The following FAM228B variants were observed in gnomAD, a reference collection of about 807,000 sequenced individuals.
FAM228B encodes the protein protein FAM228B.
Under a neutral mutation model 42.6 loss-of-function variants are expected in FAM228B, and 38 were observed. The observed-to-expected ratio is 0.89, with a 90% confidence interval of 0.69 to 1.17. The LOEUF (loss-of-function observed/expected upper bound fraction) is 1.17, where lower values mean the gene tolerates loss of function less well. FAM228B is among the 50% of genes most tolerant of loss of function. The pLI, the probability that FAM228B is intolerant of heterozygous loss-of-function variation, is 0.00. For synonymous variants in FAM228B, 109 were observed against 122.3 expected (o/e 0.89, Z 0.72); for missense variants, 344 against 367.3 (o/e 0.94, Z 0.52).
At chr2:24,121,196 GAC>G, upstream of FAM228B, 1 of 1,614,122 alleles carries the variant, frequency 6.2e-7, no homozygotes, top group South Asian at 1.1e-5. Context: ...CATCTGCCCG[GAC>G]ACATCTGTAA....
At chr2:24,091,921 A>G (rs1362856385) in intron 2 of FAM228B, among the ~76,000 whole-genome samples, 1 of 152,076 alleles carries the variant, frequency 6.6e-6, no homozygotes, top group Non-Finnish European at 1.5e-5. Flanking sequence ...CCCCCAAATG[A>G]CCAATAAATA....
intron 2 of FAM228B, among the ~76,000 whole-genome samples, chr2:24,130,507 T>C (rs1451096033): frequency 6.6e-6 from 1 of 152,232 alleles, no homozygotes; most frequent in Non-Finnish European, 1.5e-5. Flanking sequence ...CTATTCTGAC[T>C]GGCATGAGAT....
chr2:24,083,700 A>G (rs1208929727), intron 2 of FAM228B, among the ~76,000 whole-genome samples: 1 of 152,208 alleles, frequency 6.6e-6, no homozygotes, highest in South Asian at 2.1e-4. Context: ...AGCATCAGAC[A>G]GAAGAAAATT....
chr2:24,078,586 G>A (rs2150982382), intron 1 of FAM228B, among the ~76,000 whole-genome samples: 1 of 152,268 alleles, frequency 6.6e-6, no homozygotes, highest in East Asian at 1.9e-4. Context: ...AGCTAAAGGG[G>A]GGTTACAGGT....
intron 7 of FAM228B, among the ~76,000 whole-genome samples, chr2:24,160,268 G>A (rs1055831975): frequency 6.6e-6 from 1 of 152,142 alleles, no homozygotes; most frequent in African/African-American, 2.4e-5. Flanking sequence ...GGGATTACAA[G>A]CGTGAGCCAC....
intron 2 of FAM228B, among the ~76,000 whole-genome samples, chr2:24,131,861 A>G (rs866305478): frequency 1.3e-5 from 2 of 152,202 alleles, no homozygotes; most frequent in Non-Finnish European, 1.5e-5. Flanking sequence ...AACTTCCAGT[A>G]ATATGTTGAA....
intron 7 of FAM228B, among the ~76,000 whole-genome samples, chr2:24,156,771 T>TC (rs759903610): frequency 4.8e-4 from 64 of 132,764 alleles, no homozygotes; most frequent in African/African-American, 1.6e-3. Flanking sequence ...TACATTTCTT[T>TC]CCGCCCCCCC....
chr2:24,164,479 G>T lies in FAM228B; in HGVS notation c.932+144G>T. 7.9e-6 allele frequency: 7 copies of T among 890,508 alleles called. No homozygotes were observed. In the South Asian group the frequency reaches 1.3e-4, roughly 17 times the overall value. 55.2% of individuals were successfully genotyped at this position (890,508 alleles called of 1,614,324 possible). A position where few individuals can be genotyped will look rare whatever the true frequency, so the allele number is the denominator to read the frequency against. On this transcript the variant is annotated intron_variant, in intron 9 of 10. Coordinates refer to ENST00000615575, the MANE Select transcript of FAM228B (RefSeq NM_001145710.2). Reference sequence around the variant, plus strand: ...GGAATAGGTTAGAAGCAGCTGAGGGGCAGGTGCCCTTTATTCAGAGGGAAT... The same window carrying T: ...GGAATAGGTTAGAAGCAGCTGAGGGTCAGGTGCCCTTTATTCAGAGGGAAT...
chr2:24,126,903 C>T (rs1472190187), intron 2 of FAM228B, among the ~76,000 whole-genome samples: 5 of 152,150 alleles, frequency 3.3e-5, no homozygotes, highest in African/African-American at 4.8e-5. Context: ...GGATTACAGG[C>T]GTGAGCCACC....
chr2:24,134,174 A>G (rs1461330180), intron 2 of FAM228B, among the ~76,000 whole-genome samples: 1 of 152,236 alleles, frequency 6.6e-6, no homozygotes, highest in Admixed American at 6.5e-5. Context: ...GTTAATGGAT[A>G]AAAATATAAC....
intron 7 of FAM228B, among the ~76,000 whole-genome samples, chr2:24,154,546 T>G (rs1298957164): frequency 6.6e-6 from 1 of 152,252 alleles, no homozygotes; most frequent in Non-Finnish European, 1.5e-5. Flanking sequence ...CAGTGTCTTT[T>G]GCAGAGCACA....
Position 24,154,152 on chromosome 2 carries a change from TAAA to T in FAM228B, c.686+7068_686+7070del, listed in dbSNP as rs1313569086. On this transcript the variant is annotated intron_variant, in intron 7 of 10. Coordinates refer to ENST00000615575, the MANE Select transcript of FAM228B (RefSeq NM_001145710.2). ...CATGCCTCTTTTAGTGATATGAAGTTAAAACGAGGTACTGTGATTGCTCACCTG... is the reference window on the plus strand; with the variant it reads ...CATGCCTCTTTTAGTGATATGAAGTTACGAGGTACTGTGATTGCTCACCTG... Among the ~76,000 whole-genome samples, 14 of 152,372 alleles carry T rather than the reference TAAA, an allele frequency of 9.2e-5. 1 individual carries two copies. Among genetic ancestry groups the T allele is most frequent in the African/African-American group, 3.4e-4 (14 of 41,592 alleles).
chr2:24,127,053 A>T (rs1174268834), intron 2 of FAM228B, among the ~76,000 whole-genome samples: 1 of 152,134 alleles, frequency 6.6e-6, no homozygotes, highest in Non-Finnish European at 1.5e-5. Context: ...TAATTCCAGA[A>T]CATTTCATCA....
chr2:24,103,342 G>A (rs1168920055), intron 3 of FAM228B, among the ~76,000 whole-genome samples: 1 of 152,136 alleles, frequency 6.6e-6, no homozygotes, highest in South Asian at 2.1e-4. Flanking sequence ...TTGAGAACCT[G>A]GGAAAAAGGA....
chr2:24,164,530 T>C (rs1667355314), intron 9 of FAM228B, among the ~76,000 whole-genome samples, 195 bp downstream of exon 9: 1 of 112,490 alleles, frequency 8.9e-6, no homozygotes, highest in Non-Finnish European at 2.0e-5. Context: ...GGCCCCCTGG[T>C]GGAGTCACAC....
chr2:24,096,900 C>G (rs570828832), intron 3 of FAM228B: 1 of 152,166 alleles, frequency 6.6e-6, no homozygotes, highest in African/African-American at 2.4e-5. Flanking sequence ...TTGAGTTACC[C>G]ACAAAGGGAC....
At chr2:24,125,746 A>G (rs1248637309) in intron 2 of FAM228B, among the ~76,000 whole-genome samples, 2 of 152,038 alleles carry the variant, frequency 1.3e-5, no homozygotes, top group Admixed American at 6.5e-5. Flanking sequence ...GATTTTTAGT[A>G]GAGACGGGGT....
chr2:24,166,034 C>T (rs1397894078), intron 9 of FAM228B: 1 of 28,104 alleles, frequency 3.6e-5, no homozygotes, highest in Non-Finnish European at 8.9e-5. Flanking sequence ...AAGAGCAGAA[C>T]TCTGTCTAAA....
intron 2 of FAM228B, among the ~76,000 whole-genome samples, chr2:24,087,062 T>C (rs917044751): frequency 6.6e-6 from 1 of 152,174 alleles, no homozygotes; most frequent in African/African-American, 2.4e-5. Flanking sequence ...TACCAACCAC[T>C]AAGTATACTA....
Sources: allele counts gnomAD v4.1 joint callset (sites outside exome capture counted in the v4.1 genomes callset), GRCh38; gene constraint gnomAD v4.1.1; transcripts MANE v1.5; gene names NCBI Gene and HGNC (gene_info 2026-07-23, HGNC 2026-07-21).